ZNF684: variants seen among roughly 807,000 people sequenced by gnomAD.
The protein encoded by ZNF684 is hypothetical protein MGC27466.
Under a neutral mutation model 12.8 loss-of-function variants are expected in ZNF684, and 13 were observed. That is an observed-to-expected ratio of 1.02 (90% confidence interval 0.66 to 1.62). ZNF684 has a LOEUF of 1.62. Among genes scored for constraint, ZNF684 ranks in the 40% most tolerant of loss-of-function variants. The pLI, the probability that ZNF684 is intolerant of heterozygous loss-of-function variation, is 0.00. For missense variants in ZNF684, 384 were observed against 446.9 expected, an observed-to-expected ratio of 0.86 and a Z score of 1.27; for synonymous variants, 118 against 151.8, an observed-to-expected ratio of 0.78 and a Z score of 1.64.
intron 3 of ZNF684, 143 bp from the exon 4 acceptor site, chr1:40,541,472 C>T (rs1054281739): frequency 3.9e-5 from 23 of 593,814 alleles, no homozygotes; most frequent in African/African-American, 1.7e-4. Context: ...CGTGAGCCAC[C>T]GCGCCCAGCC....
intron 4 of ZNF684, chr1:40,544,462 C>T (rs1187920764): frequency 5.2e-6 from 2 of 383,102 alleles, no homozygotes; most frequent in African/African-American, 4.4e-5. Flanking sequence ...AGTGATTCTC[C>T]TACCTCAGCC....
intron 2 of ZNF684, among the ~76,000 whole-genome samples, chr1:40,536,520 T>A (rs1645986275): frequency 6.6e-6 from 1 of 151,740 alleles, no homozygotes. Context: ...CATCTTTTTT[T>A]TTTTTTTTAT....
At chr1:40,536,513 C>CT (rs199567978) in intron 2 of ZNF684, among the ~76,000 whole-genome samples, 3,932 of 140,920 alleles carry the variant, frequency 0.028, 157 homozygotes, top group African/African-American at 0.093. Flanking sequence ...TCAGTAACAT[C>CT]TTTTTTTTTT....
Position 40,542,049 on chromosome 1 carries a change from C to T in ZNF684, c.238+339C>T, listed in dbSNP as rs371013162. ...CTCAACATCGATCTTTTTCTATATACGTAGTCCTTATAATGAAGTTAAATT... is the reference window on the plus strand; with the variant it reads ...CTCAACATCGATCTTTTTCTATATATGTAGTCCTTATAATGAAGTTAAATT... On this transcript the variant is annotated intron_variant, in intron 4 of 4. Coordinates refer to ENST00000372699, the MANE Select transcript of ZNF684 (RefSeq NM_152373.4). Among the ~76,000 whole-genome samples, 7 of 152,214 alleles carry T rather than the reference C, an allele frequency of 4.6e-5. No homozygotes were observed. In the East Asian group the frequency reaches 7.7e-4, roughly 17 times the overall value.
At chr1:40,541,054 G>A (rs193300852) in intron 3 of ZNF684, among the ~76,000 whole-genome samples, 20 of 144,794 alleles carry the variant, frequency 1.4e-4, no homozygotes, top group African/African-American at 3.9e-4. Flanking sequence ...AAAAAAAATC[G>A]TATGAAAACT....
chr1:40,545,506 A>G (rs1452768611), intron 4 of ZNF684, among the ~76,000 whole-genome samples: 1 of 152,206 alleles, frequency 6.6e-6, no homozygotes, highest in East Asian at 1.9e-4. Flanking sequence ...AGCCAGAATA[A>G]AAAAATAATA....
intron 4 of ZNF684, 106 bp downstream of exon 4, chr1:40,541,816 C>T (rs1646018228): frequency 1.1e-6 from 1 of 874,486 alleles, no homozygotes; most frequent in East Asian, 2.9e-5. Context: ...TTAAAAGCCA[C>T]ACACCTTTAA....
At chr1:40,534,148 A>G (rs1225219125) in intron 2 of ZNF684, among the ~76,000 whole-genome samples, 2 of 151,486 alleles carry the variant, frequency 1.3e-5, no homozygotes, top group East Asian at 3.9e-4. Flanking sequence ...TTAGGATTGC[A>G]TTAAACTTAA....
rs941788143 is a variant in ZNF684, at chr1:40,546,771, A to G, written c.448A>G (p.Asn150Asp). 5 of 1,612,502 alleles carry G rather than the reference A, an allele frequency of 3.1e-6. No individual in the cohort carries two copies. The highest frequency in any genetic ancestry group is 4.2e-6 in the Non-Finnish European group (5 of 1,179,594). ...LPPNLDLLKY[N>D]RSYTVENAYE... The stretch of plus-strand genomic sequence containing the variant: ...ACCTAATTTAGACTTACTTAAATAT[A>G]ATAGAAGTTATACTGTAGAAAACGC... The change falls in exon 5 of 5, where the codon AAT becomes GAT. Residue 150 changes from asparagine (N) to aspartate (D), a missense_variant. By Grantham distance (23) the Asn-to-Asp change is conservative (BLOSUM62 1). Coordinates refer to ENST00000372699, the MANE Select transcript of ZNF684 (RefSeq NM_152373.4).
chr1:40,544,550 C>T, intron 4 of ZNF684: 1 of 268,342 alleles, frequency 3.7e-6, no homozygotes, highest in South Asian at 3.0e-5. Context: ...CACGGTTTCA[C>T]CATGTTGGCC....
intron 1 of ZNF684, among the ~76,000 whole-genome samples, chr1:40,532,839 A>G (rs1365042647): frequency 6.6e-6 from 1 of 152,184 alleles, no homozygotes; most frequent in African/African-American, 2.4e-5. Flanking sequence ...TTTCTTCAGG[A>G]TAAATTTCTG....
chr1:40,544,437 C>T (rs1246002009), intron 4 of ZNF684: 1 of 416,968 alleles, frequency 2.4e-6, no homozygotes, highest in East Asian at 9.2e-5. Context: ...GTGGCGCAAT[C>T]TCAGCTCGGG....
chr1:40,540,607 G>A lies in ZNF684; in HGVS notation c.37G>A (p.Val13Met). ...ACAGGAATCAGTGACATTCCAGGAT[G>A]TGGCTGTGGATTTCACTGCAGAGGA... ...SFQESVTFQD[V>M]AVDFTAEEWQ... The change falls in exon 3 of 5, where the codon GTG (valine) becomes ATG (methionine). Residue 13 changes from valine (V) to methionine (M), a missense_variant. Coordinates refer to ENST00000372699, the MANE Select transcript of ZNF684 (RefSeq NM_152373.4). 6.2e-7 allele frequency: 1 copy of A among 1,606,870 alleles called. No individual in the cohort carries two copies. The highest frequency in any genetic ancestry group is 8.5e-7 in the Non-Finnish European group (1 of 1,176,458).
intron 2 of ZNF684, among the ~76,000 whole-genome samples, chr1:40,536,101 G>A (rs1013456468): frequency 1.3e-5 from 2 of 152,162 alleles, no homozygotes; most frequent in Non-Finnish European, 2.9e-5. Context: ...ATGGTTAAAA[G>A]GACATATTTT....
chr1:40,541,574 A>G (rs374415639), intron 3 of ZNF684, 41 bp from the exon 4 acceptor site: 89 of 1,543,288 alleles, frequency 5.8e-5, no homozygotes, highest in Non-Finnish European at 8.0e-5. Context: ...TTGTTTGCCT[A>G]GCACTTTGGC....
intron 2 of ZNF684, among the ~76,000 whole-genome samples, chr1:40,536,542 T>C (rs1263400675): frequency 6.6e-6 from 1 of 150,816 alleles, no homozygotes; most frequent in Non-Finnish European, 1.5e-5. Context: ...CTTTAAGTTT[T>C]AGGGTACATG....
At chr1:40,533,803 A>T (rs16827358) in intron 2 of ZNF684, among the ~76,000 whole-genome samples, 8 of 151,500 alleles carry the variant, frequency 5.3e-5, no homozygotes, top group Non-Finnish European at 1.5e-5. Context: ...CAAGGTTCAT[A>T]AAGCAGTATG....
chr1:40,537,715 C>G (rs1645992960), intron 2 of ZNF684, among the ~76,000 whole-genome samples: 1 of 152,078 alleles, frequency 6.6e-6, no homozygotes, highest in Non-Finnish European at 1.5e-5. Context: ...TGCACTCCAG[C>G]CTGGGCGACA....
At chr1:40,539,008 G>A (rs545536181) in intron 2 of ZNF684, among the ~76,000 whole-genome samples, 2 of 151,974 alleles carry the variant, frequency 1.3e-5, no homozygotes, top group East Asian at 3.9e-4. Context: ...GCAATGTAGT[G>A]AGACCCCATC....
Sources: gnomAD v4.1 joint callset for allele counts (sites outside exome capture counted in the v4.1 genomes callset) on GRCh38, gnomAD v4.1.1 for gene constraint, MANE v1.5 for transcripts, NCBI Gene and HGNC (gene_info 2026-07-23, HGNC 2026-07-21) for gene names.